The following RANBP2 variants were observed in gnomAD, a reference collection of about 807,000 sequenced individuals.
RANBP2 encodes the protein E3 SUMO-protein ligase RanBP2.
RANBP2 carries 57 observed loss-of-function variants against 303.6 expected under a neutral mutation model. The ratio of observed to expected loss-of-function variants is 0.19; its 90% CI spans 0.15 to 0.23. The LOEUF is 0.23. Ranked by LOEUF, RANBP2 falls within the 10% of genes least tolerant of loss-of-function variation. The probability of loss-of-function intolerance (pLI) is 1.00; values close to 1 mark genes in which losing one functional copy is unlikely to be tolerated. For synonymous variants in RANBP2, 1,167 were observed against 1,301.5 expected (o/e 0.90, Z 2.23); for missense variants, 3,138 against 3,780.8 (o/e 0.83, Z 4.46).
At chr2:109,218,424 G>A in the RANBP2 span, among the ~76,000 whole-genome samples, 2 of 152,138 alleles carry the variant, frequency 1.3e-5, no homozygotes, top group African/African-American at 4.8e-5. Flanking sequence ...AAAATGTTAT[G>A]CTTAACAAAA....
the RANBP2 span, among the ~76,000 whole-genome samples, chr2:109,650,264 A>T: frequency 7.9e-5 from 12 of 152,250 alleles, no homozygotes; most frequent in African/African-American, 2.9e-4. Flanking sequence ...GGGAATTATC[A>T]GCAGCTGACA....
At chr2:109,510,594 G>T in the RANBP2 span, among the ~76,000 whole-genome samples, 3 of 152,212 alleles carry the variant, frequency 2.0e-5, no homozygotes, top group Non-Finnish European at 4.4e-5. Context: ...GAGGGCTGAT[G>T]GGGTCCAGGG....
the RANBP2 span, among the ~76,000 whole-genome samples, chr2:109,087,004 A>G: frequency 6.6e-6 from 1 of 152,194 alleles, no homozygotes; most frequent in Non-Finnish European, 1.5e-5. Flanking sequence ...TGCTTGGTTG[A>G]AGGGTTGTTA....
intron 9 of RANBP2, among the ~76,000 whole-genome samples, chr2:108,750,532 C>T (rs1036305986): frequency 4.7e-5 from 7 of 150,282 alleles, no homozygotes; most frequent in African/African-American, 1.7e-4. Context: ...GATTATACCT[C>T]TTTATGCTTC....
At chr2:109,016,310 G>A in the RANBP2 span, among the ~76,000 whole-genome samples, 17 of 151,858 alleles carry the variant, frequency 1.1e-4, no homozygotes, top group East Asian at 2.3e-3. Context: ...GGATGGCCTC[G>A]ATCTCCTGAC....
the RANBP2 span, among the ~76,000 whole-genome samples, chr2:108,919,223 G>A: frequency 1.3e-5 from 2 of 152,192 alleles, no homozygotes; most frequent in Non-Finnish European, 2.9e-5. Flanking sequence ...CGGAAACCAC[G>A]GGAGTACGCA....
At chr2:109,690,031 T>C in the RANBP2 span, among the ~76,000 whole-genome samples, 31 of 152,150 alleles carry the variant, frequency 2.0e-4, no homozygotes, top group Non-Finnish European at 4.3e-4. Context: ...TTGGTGCTTG[T>C]TCTCTAGGAG....
the RANBP2 span, among the ~76,000 whole-genome samples, chr2:109,303,587 G>A: frequency 2.0e-5 from 3 of 152,346 alleles, no homozygotes; most frequent in East Asian, 1.9e-4. Context: ...CCCAAGGGAC[G>A]GGAGAGGGCC....
chr2:108,816,446 G>A, the RANBP2 span, among the ~76,000 whole-genome samples: 1 of 152,102 alleles, frequency 6.6e-6, no homozygotes, highest in African/African-American at 2.4e-5. Context: ...GCAAGACTCT[G>A]TTTCAAAAGA....
At chr2:109,526,474 A>G in the RANBP2 span, among the ~76,000 whole-genome samples, 7,386 of 152,020 alleles carry the variant, frequency 0.049, 604 homozygotes, top group African/African-American at 0.17. Flanking sequence ...ACCATGCCTT[A>G]TTTATTTTTG....
intron 25 of RANBP2, 121 bp from the exon 26 acceptor site, chr2:108,781,148 A>T (rs552517273): frequency 9.4e-7 from 1 of 1,063,866 alleles, no homozygotes; most frequent in African/African-American, 1.6e-5. Flanking sequence ...TATAATTTTA[A>T]ACATTTAAAA....
At chr2:109,692,844 G>C in the RANBP2 span, among the ~76,000 whole-genome samples, 3 of 139,270 alleles carry the variant, frequency 2.2e-5, no homozygotes, top group Admixed American at 1.5e-4. Flanking sequence ...TTGAGATGAA[G>C]TCTTGCTCTT....
chr2:108,862,936 T>C, the RANBP2 span, among the ~76,000 whole-genome samples: 108,455 of 141,030 alleles, frequency 0.77, 41,766 homozygotes, highest in East Asian at 0.91. Flanking sequence ...AAATTCTGTG[T>C]TTCAATTTGG....
At chr2:109,326,780 G>T in the RANBP2 span, among the ~76,000 whole-genome samples, 1 of 152,222 alleles carries the variant, frequency 6.6e-6, no homozygotes, top group Non-Finnish European at 1.5e-5. Context: ...AACTGTTTCA[G>T]TCCTTCCCAA....
the RANBP2 span, among the ~76,000 whole-genome samples, chr2:109,021,716 T>G: frequency 2.7e-5 from 4 of 149,922 alleles, no homozygotes; most frequent in African/African-American, 9.9e-5. Flanking sequence ...TGTGTGTCCA[T>G]TACCAGGTCC....
At chr2:108,729,449 T>C (rs1273274381) in intron 2 of RANBP2, among the ~76,000 whole-genome samples, 11 of 152,232 alleles carry the variant, frequency 7.2e-5, no homozygotes, top group Non-Finnish European at 1.3e-4. Flanking sequence ...ATACTTTTTC[T>C]AAAAATTGTC....
the RANBP2 span, among the ~76,000 whole-genome samples, chr2:109,712,837 A>T: frequency 2.0e-5 from 3 of 152,204 alleles, no homozygotes; most frequent in African/African-American, 7.2e-5. Context: ...CTGATTTTAA[A>T]AGAAATGAAA....
chr2:109,098,731 G>GTTA, the RANBP2 span, among the ~76,000 whole-genome samples: 2 of 152,152 alleles, frequency 1.3e-5, no homozygotes, highest in Non-Finnish European at 2.9e-5. Flanking sequence ...TTTGCCCACT[G>GTTA]TTAGCAATGC....
At chr2:109,472,800 C>T in the RANBP2 span, among the ~76,000 whole-genome samples, 3 of 152,182 alleles carry the variant, frequency 2.0e-5, no homozygotes, top group Non-Finnish European at 2.9e-5. Context: ...GCCAGCCAGA[C>T]GCCCGTTGGA....
Sources: gnomAD v4.1 joint callset for allele counts (sites outside exome capture counted in the v4.1 genomes callset) on GRCh38, gnomAD v4.1.1 for gene constraint, MANE v1.5 for transcripts, NCBI Gene and HGNC (gene_info 2026-07-23, HGNC 2026-07-21) for gene names.